The following CMTM4 variants were observed in gnomAD, a reference collection of about 807,000 sequenced individuals.
CMTM4 encodes CKLF-like MARVEL transmembrane domain-containing protein 4.
A neutral mutation model predicts 19.0 loss-of-function variants in CMTM4; 8 were observed. The observed-to-expected ratio is 0.42, with a 90% CI of 0.25 to 0.76. The LOEUF (loss-of-function observed/expected upper bound fraction) is 0.76, where lower values mean the gene tolerates loss of function less well. Among genes scored for constraint, CMTM4 ranks in the 30% least tolerant of loss-of-function variants. The probability of loss-of-function intolerance (pLI) is 0.27; values close to 1 mark genes in which losing one functional copy is unlikely to be tolerated. For synonymous variants in CMTM4, 106 were observed against 121.1 expected (o/e 0.88, Z 0.82); for missense variants, 228 against 290.2 (o/e 0.79, Z 1.56).
At chr16:66,635,047 G>A (rs761863638) in intron 2 of CMTM4, among the ~76,000 whole-genome samples, 1 of 152,164 alleles carries the variant, frequency 6.6e-6, no homozygotes, top group Non-Finnish European at 1.5e-5. Context: ...GGATAGCAAT[G>A]AACAAGATGC....
At chr16:66,669,467 TAAAAA>T (rs35876830) in intron 1 of CMTM4, among the ~76,000 whole-genome samples, 1 of 128,832 alleles carries the variant, frequency 7.8e-6, no homozygotes, top group African/African-American at 2.8e-5. Flanking sequence ...ACATGTTAAT[TAAAAA>T]AAAAAAAAAA....
intron 1 of CMTM4, among the ~76,000 whole-genome samples, chr16:66,640,775 C>T (rs188251908): frequency 4.6e-5 from 7 of 152,294 alleles, no homozygotes; most frequent in Admixed American, 4.6e-4. Context: ...CTTGCTCTCT[C>T]TTAGACCACT....
At chr16:66,612,323 C>T (rs534368812), downstream of CMTM4, among the ~76,000 whole-genome samples, 48 of 152,114 alleles carry the variant, frequency 3.2e-4, no homozygotes, top group South Asian at 9.6e-3. The surrounding 1 kb of genome is among the most constrained non-coding windows in gnomAD (Gnocchi z 6.0). Flanking sequence ...TGCAGTGAGT[C>T]GAGATCCCGC....
At chr16:66,675,085 T>A (rs1397415340) in intron 1 of CMTM4, among the ~76,000 whole-genome samples, 7 of 150,422 alleles carry the variant, frequency 4.7e-5, no homozygotes, top group African/African-American at 7.3e-5. Context: ...ATTTTTTTTT[T>A]AATTTTTTTT....
intron 1 of CMTM4, among the ~76,000 whole-genome samples, chr16:66,650,779 T>C (rs970398318): frequency 2.6e-5 from 4 of 152,218 alleles, no homozygotes; most frequent in Admixed American, 1.3e-4. Flanking sequence ...CATGTGCTGG[T>C]CAATACTCAG....
chr16:66,612,729 T>C, downstream of CMTM4: 1 of 1,304,984 alleles, frequency 7.7e-7, no homozygotes, highest in South Asian at 1.2e-5. The surrounding 1 kb of genome is among the most constrained non-coding windows in gnomAD (Gnocchi z 6.0). Context: ...AGGCCTGGAC[T>C]TCTGAGTTGC....
At chr16:66,612,985 T>C, downstream of CMTM4, 1 of 697,108 alleles carries the variant, frequency 1.4e-6, no homozygotes, top group South Asian at 1.5e-5. This position sits in a 1 kb window ranked among gnomAD's most constrained non-coding sequence, Gnocchi z 6.0. Context: ...TCCATGCTGC[T>C]AGGTGGCGGG....
chr16:66,647,578 G>C (rs188638045), intron 1 of CMTM4, among the ~76,000 whole-genome samples: 2 of 152,270 alleles, frequency 1.3e-5, no homozygotes, highest in South Asian at 2.1e-4. Flanking sequence ...GACTGGGGAA[G>C]AAGTTGGACA....
At chr16:66,639,515 G>A (rs563908212) in intron 1 of CMTM4, among the ~76,000 whole-genome samples, 29 of 152,170 alleles carry the variant, frequency 1.9e-4, no homozygotes, top group African/African-American at 5.5e-4. Flanking sequence ...TGATAAGAAC[G>A]AAGGAGAAAA....
chr16:66,653,581 A>G (rs1490527241), intron 1 of CMTM4, among the ~76,000 whole-genome samples: 1 of 152,188 alleles, frequency 6.6e-6, no homozygotes. Flanking sequence ...AGAACAGTGG[A>G]ACCTAGAATG....
At chr16:66,677,264 AACCAGTGACGCCAGGCATGGCAGG>A (rs955238148) in intron 1 of CMTM4, among the ~76,000 whole-genome samples, 4 of 152,194 alleles carry the variant, frequency 2.6e-5, no homozygotes, top group African/African-American at 9.6e-5. Context: ...AGAAAAGAAA[AACCAGTGACGCCAGGCATGGCAGG>A]ACCAGAGGAA....
At chr16:66,648,465 C>A (rs1367947752) in intron 1 of CMTM4, among the ~76,000 whole-genome samples, 1 of 152,102 alleles carries the variant, frequency 6.6e-6, no homozygotes, top group Non-Finnish European at 1.5e-5. Context: ...TCAAGACCAG[C>A]CTGACCAACA....
intron 2 of CMTM4, among the ~76,000 whole-genome samples, chr16:66,624,689 C>G (rs1173011482): frequency 6.6e-6 from 1 of 152,172 alleles, no homozygotes; most frequent in Non-Finnish European, 1.5e-5. Context: ...ATCACTTGAA[C>G]CCGGGAGGCA....
the CMTM4 span, among the ~76,000 whole-genome samples, chr16:66,602,767 G>A: frequency 2.0e-5 from 3 of 152,114 alleles, no homozygotes; most frequent in East Asian, 3.9e-4. Flanking sequence ...AGCTGGTCTC[G>A]AACTCCTGAC....
chr16:66,686,786 T>C (rs2017041710), intron 1 of CMTM4, among the ~76,000 whole-genome samples: 1 of 152,104 alleles, frequency 6.6e-6, no homozygotes, highest in Non-Finnish European at 1.5e-5. Flanking sequence ...GTCTTGTCCT[T>C]TGATGTAGTA....
At chr16:66,644,071 G>A (rs1295463612) in intron 1 of CMTM4, among the ~76,000 whole-genome samples, 2 of 152,184 alleles carry the variant, frequency 1.3e-5, no homozygotes, top group Non-Finnish European at 2.9e-5. Context: ...AAGTACTTCT[G>A]TGCAGGAGTT....
chr16:66,630,866 C>T (rs1210435296), intron 2 of CMTM4, among the ~76,000 whole-genome samples: 11 of 148,884 alleles, frequency 7.4e-5, no homozygotes, highest in African/African-American at 1.7e-4. Context: ...CGTCTCTGCC[C>T]GGCCGCCCAT....
At chr16:66,665,571 C>G (rs1377046600) in intron 1 of CMTM4, among the ~76,000 whole-genome samples, 1 of 151,924 alleles carries the variant, frequency 6.6e-6, no homozygotes, top group Non-Finnish European at 1.5e-5. Flanking sequence ...ACAATGAAAC[C>G]CCATCTCTAC....
downstream of CMTM4, among the ~76,000 whole-genome samples, chr16:66,610,347 C>G (rs566808705): frequency 1.7e-4 from 26 of 152,288 alleles, no homozygotes; most frequent in African/African-American, 5.8e-4. This position sits in a 1 kb window ranked among gnomAD's most constrained non-coding sequence, Gnocchi z 4.6. Context: ...AAACCCAGCC[C>G]CTCTGCTGTC....
Sources: gnomAD v4.1 joint callset for allele counts (sites outside exome capture counted in the v4.1 genomes callset) on GRCh38, gnomAD v4.1.1 for gene constraint, Gnocchi (gnomAD v3.1) non-coding constraint, MANE v1.5 for transcripts, NCBI Gene and HGNC (gene_info 2026-07-23, HGNC 2026-07-21) for gene names.